Variants in TBC1D5 observed in about 807,000 individuals in gnomAD.
The protein encoded by TBC1D5 is TBC1 domain family member 5.
A neutral mutation model predicts 100.3 loss-of-function variants in TBC1D5; 75 were observed. That is an observed-to-expected ratio of 0.75 (90% CI 0.62 to 0.91). TBC1D5 has a LOEUF of 0.91. Among genes scored for constraint, TBC1D5 ranks in the 40% least tolerant of loss-of-function variants. The pLI is 0.00. For synonymous variants in TBC1D5, 323 were observed against 325.6 expected, an observed-to-expected ratio of 0.99 and a Z score of 0.09; for missense variants, 910 against 942.4, an observed-to-expected ratio of 0.97 and a Z score of 0.45.
intron 2 of TBC1D5, among the ~76,000 whole-genome samples, chr3:17,573,618 C>T (rs1040667002): frequency 6.6e-6 from 1 of 152,050 alleles, no homozygotes; most frequent in Non-Finnish European, 1.5e-5. Context: ...ACTCAAACTA[C>T]TTGCAGTTCC....
chr3:17,273,561 G>C (rs1299714009), intron 15 of TBC1D5, among the ~76,000 whole-genome samples: 4 of 151,950 alleles, frequency 2.6e-5, no homozygotes, highest in African/African-American at 4.8e-5. Context: ...TTGCTAATCT[G>C]CTTGGGAGGC....
intron 3 of TBC1D5, among the ~76,000 whole-genome samples, chr3:17,498,688 G>A (rs530986907): frequency 5.9e-5 from 9 of 151,932 alleles, no homozygotes; most frequent in Non-Finnish European, 1.2e-4. Flanking sequence ...TGACTACTGT[G>A]CTTGCTATTC....
intron 13 of TBC1D5, among the ~76,000 whole-genome samples, chr3:17,352,069 C>A (rs372128919): frequency 5.6e-4 from 85 of 151,172 alleles, no homozygotes; most frequent in Non-Finnish European, 1.1e-3. Context: ...ACCCCATGAA[C>A]CCAGATAATC....
chr3:17,481,327 G>A (rs1009847978), intron 3 of TBC1D5, among the ~76,000 whole-genome samples: 94 of 152,348 alleles, frequency 6.2e-4, no homozygotes, highest in Admixed American at 2.2e-3. Flanking sequence ...CATGGGATTT[G>A]GGTGAGTAGC....
At chr3:17,376,228 T>C (rs1489665642) in intron 10 of TBC1D5, among the ~76,000 whole-genome samples, 1 of 152,118 alleles carries the variant, frequency 6.6e-6, no homozygotes, top group Non-Finnish European at 1.5e-5. Context: ...TATCAATCAT[T>C]AGCACTTTTG....
chr3:17,183,698 G>A (rs1371721159), intron 19 of TBC1D5, among the ~76,000 whole-genome samples: 3 of 152,168 alleles, frequency 2.0e-5, no homozygotes, highest in Admixed American at 2.0e-4. Context: ...CAGGCAGCCA[G>A]CCACTTAGAT....
At chr3:17,474,281 AT>A (rs1409421048) in intron 3 of TBC1D5, among the ~76,000 whole-genome samples, 1 of 152,136 alleles carries the variant, frequency 6.6e-6, no homozygotes, top group Non-Finnish European at 1.5e-5. Context: ...ATCAAAACAG[AT>A]TTCTGAGTTA....
chr3:17,392,526 C>T (rs777703746), intron 8 of TBC1D5, among the ~76,000 whole-genome samples: 1 of 152,140 alleles, frequency 6.6e-6, no homozygotes, highest in African/African-American at 2.4e-5. Flanking sequence ...CCCCCGACCC[C>T]GCAACAGGCC....
intron 12 of TBC1D5, 47 bp from the exon 13 acceptor site, chr3:17,372,294 T>C (rs1293378743): frequency 6.7e-7 from 1 of 1,483,100 alleles, no homozygotes; most frequent in Non-Finnish European, 9.1e-7. Flanking sequence ...ATGAAATTAA[T>C]AAATATATGG....
Position 17,166,853 on chromosome 3 carries a change from T to C in TBC1D5, c.2008A>G (p.Ile670Val), listed in dbSNP as rs1431485140. 1.9e-6 allele frequency: 3 copies of C among 1,614,222 alleles called. No homozygotes were observed. In the South Asian group the frequency reaches 3.3e-5, roughly 18 times the overall value. ...CTGGAGCAGTAGTGGTTGTCCGCAA[T>C]GGTGATCTGTTCGTTCTCTTCGGCC... The change falls in exon 21 of 22, where the codon ATT (isoleucine) becomes GTT (valine). Residue 670 changes from isoleucine (I) to valine (V), a missense_variant. Ile to Val is a conservative substitution (Grantham distance 29). Transcript: ENST00000253692.
At chr3:17,507,762 C>T (rs763497800) in intron 3 of TBC1D5, among the ~76,000 whole-genome samples, 4 of 152,082 alleles carry the variant, frequency 2.6e-5, no homozygotes, top group Admixed American at 6.6e-5. Context: ...TTAACTTTAT[C>T]AAATATTTAG....
chr3:17,718,736 CA>C (rs1356417797), intron 1 of TBC1D5, among the ~76,000 whole-genome samples: 142 of 152,206 alleles, frequency 9.3e-4, no homozygotes, highest in African/African-American at 3.3e-3. Context: ...AACTCTGCAC[CA>C]ATTAAACAAT....
At chr3:17,304,810 C>T (rs2083232150) in intron 14 of TBC1D5, among the ~76,000 whole-genome samples, 1 of 152,142 alleles carries the variant, frequency 6.6e-6, no homozygotes, top group South Asian at 2.1e-4. Context: ...TCAGTTCTGC[C>T]CTGCCTCCAA....
At chr3:17,626,000 ATC>A (rs2063020432) in intron 1 of TBC1D5, among the ~76,000 whole-genome samples, 2 of 152,140 alleles carry the variant, frequency 1.3e-5, no homozygotes, top group Non-Finnish European at 2.9e-5. Context: ...GCACCAATTA[ATC>A]ATTCTTTCCA....
At position 17,165,194 on chromosome 3, in the gene TBC1D5, C is replaced by G. The variant is rs191656796; in HGVS notation, c.2094+1573G>C. The stretch of plus-strand genomic sequence containing the variant: ...TGCACAGTGGGGTCCACCGGGGCAG[C>G]AGTGGTCATTGGTAGGTTCTTATAA... On this transcript the variant is annotated intron_variant, in intron 21 of 21. Coordinates refer to ENST00000253692, the Ensembl canonical transcript of TBC1D5. Among the ~76,000 whole-genome samples, 618 of 152,282 alleles carry G rather than the reference C, an allele frequency of 4.1e-3. 2 individuals carry two copies. Among genetic ancestry groups the G allele is most frequent in the South Asian group, 0.014 (68 of 4,824 alleles).
intron 2 of TBC1D5, among the ~76,000 whole-genome samples, chr3:17,549,539 T>C (rs182814104): frequency 1.9e-4 from 29 of 152,338 alleles, no homozygotes; most frequent in Admixed American, 1.9e-3. Context: ...AACAAGCCTT[T>C]AGTATGATTT....
At chr3:17,598,618 A>C (rs2060729218) in intron 2 of TBC1D5, among the ~76,000 whole-genome samples, 1 of 152,232 alleles carries the variant, frequency 6.6e-6, no homozygotes, top group South Asian at 2.1e-4. Flanking sequence ...GAAAAACTCA[A>C]ACCAAACCAA....
chr3:17,266,709 G>T (rs1417326505), intron 15 of TBC1D5, among the ~76,000 whole-genome samples: 1 of 152,048 alleles, frequency 6.6e-6, no homozygotes, highest in South Asian at 2.1e-4. Flanking sequence ...ATAAATATTT[G>T]TAACTTGGTT....
At chr3:17,512,687 T>C (rs980518095) in intron 2 of TBC1D5, among the ~76,000 whole-genome samples, 4 of 152,316 alleles carry the variant, frequency 2.6e-5, no homozygotes, top group Middle Eastern at 6.8e-3. Context: ...AAAGGCCCTA[T>C]CCTTCCTTTG....
Sources: gnomAD v4.1 joint callset for allele counts (sites outside exome capture counted in the v4.1 genomes callset) on GRCh38, gnomAD v4.1.1 for gene constraint, MANE v1.5 for transcripts, NCBI Gene and HGNC (gene_info 2026-07-23, HGNC 2026-07-21) for gene names.